ANKIB1: variants seen among roughly 807,000 people sequenced by gnomAD.
The protein encoded by ANKIB1 is ankyrin repeat and IBR domain containing 1, also known as ankyrin repeat and IBR domain-containing protein 1.
In ANKIB1, 43 loss-of-function variants were observed where a neutral mutation model predicts 122.1. The observed-to-expected ratio is 0.35, with a 90% CI of 0.28 to 0.45. The LOEUF is 0.45. Ranked by LOEUF, ANKIB1 falls within the 20% of genes least tolerant of loss-of-function variation. The pLI is 1.00. For synonymous variants in ANKIB1, 390 were observed against 442.0 expected (o/e 0.88, Z 1.48); for missense variants, 992 against 1,329.5 (o/e 0.75, Z 3.95).
intron 3 of ANKIB1, among the ~76,000 whole-genome samples, chr7:92,308,416 A>G (rs1342620942): frequency 6.6e-6 from 1 of 152,070 alleles, no homozygotes; most frequent in East Asian, 1.9e-4. Context: ...AAGTATAGCA[A>G]ATTTTTGGCA....
chr7:92,286,110 A>C (rs1035624465), intron 1 of ANKIB1, among the ~76,000 whole-genome samples: 1 of 152,218 alleles, frequency 6.6e-6, no homozygotes, highest in African/African-American at 2.4e-5. Context: ...CCCATGCCCT[A>C]ATAGAGGCCA....
chr7:92,378,434 AG>A (rs745676355), intron 11 of ANKIB1, among the ~76,000 whole-genome samples: 23 of 151,104 alleles, frequency 1.5e-4, no homozygotes, highest in Non-Finnish European at 2.8e-4. Context: ...GGTATATCCA[AG>A]GGGAAAAATT....
rs1804804901 is a variant in ANKIB1 at position 92,392,413 on chromosome 7, T to C, written c.2283+121T>C. ...TCAGCAGTGCTGTCTCTTTCTTTTGTAACAAAAATGCCTTGACAGAGCCTA... is the reference window on the plus strand; with the variant it reads ...TCAGCAGTGCTGTCTCTTTCTTTTGCAACAAAAATGCCTTGACAGAGCCTA... On this transcript the variant is annotated intron_variant, in intron 17 of 19. Coordinates refer to ENST00000265742, the MANE Select transcript of ANKIB1 (RefSeq NM_019004.2). 3.7e-6 allele frequency: 3 copies of C among 820,254 alleles called. No individual in the cohort carries two copies. The African/African-American group carries it at 5.2e-5, about 14-fold the overall frequency. 50.8% of individuals were successfully genotyped at this position (820,254 alleles called of 1,614,324 possible).
chr7:92,360,621 G>A lies in ANKIB1; in HGVS notation c.1398-1564G>A, dbSNP rs534566962. 7.2e-5 allele frequency among the ~76,000 whole-genome samples: 11 copies of A among 152,166 alleles called. No individual in the cohort carries two copies. The East Asian group carries it at 2.1e-3, about 29-fold the overall frequency. ...TAGAATGAAATTGCTGAATCATATGGTAATTCTAAGTTTAACTTTATGAGG... is the reference window on the plus strand; with the variant it reads ...TAGAATGAAATTGCTGAATCATATGATAATTCTAAGTTTAACTTTATGAGG... On this transcript the variant is annotated intron_variant, in intron 9 of 19. Transcript: ENST00000265742.
chr7:92,251,395 C>T (rs1461465857), intron 1 of ANKIB1, among the ~76,000 whole-genome samples: 1 of 152,154 alleles, frequency 6.6e-6, no homozygotes, highest in Middle Eastern at 3.2e-3. Context: ...TCAACATATT[C>T]AGCCAGGGTT....
chr7:92,261,623 C>T (rs1363748631), intron 1 of ANKIB1, among the ~76,000 whole-genome samples: 1 of 152,040 alleles, frequency 6.6e-6, no homozygotes, highest in African/African-American at 2.4e-5. Flanking sequence ...ATGTTAATAC[C>T]TCTTTCTTCC....
At chr7:92,322,751 T>G (rs539316610) in intron 4 of ANKIB1, among the ~76,000 whole-genome samples, 35 of 152,298 alleles carry the variant, frequency 2.3e-4, no homozygotes, top group African/African-American at 7.7e-4. Context: ...TTCTAAGTAA[T>G]TTATATATTT....
In ANKIB1 at chr7:92,261,347, TCAAAAAAAAAA is replaced by T. The variant is rs897492568; in HGVS notation, c.-91+14829_-91+14839del. Among the ~76,000 whole-genome samples the T allele has an allele frequency of 2.4e-5, 3 of 127,066 alleles. No individual in the cohort carries two copies. The Admixed American group carries it at 2.4e-4, about 10-fold the overall frequency. The allele number at this position is 127,066 out of a possible 152,430, so 83.4% of individuals were successfully genotyped here. On this transcript the variant is annotated intron_variant, in intron 1 of 19. Coordinates refer to ENST00000265742, the MANE Select transcript of ANKIB1 (RefSeq NM_019004.2). ...CTGGGCGACAGAGCGAGACTCCGTC[TCAAAAAAAAAA>T]AAAAAAAAGAAAAGAAATTACTATG...
At chr7:92,368,041 A>G (rs959359440) in intron 10 of ANKIB1, among the ~76,000 whole-genome samples, 13 of 152,136 alleles carry the variant, frequency 8.5e-5, no homozygotes, top group African/African-American at 3.1e-4. Flanking sequence ...CTGTAGTCCT[A>G]GCTACTTGGG....
intron 17 of ANKIB1, among the ~76,000 whole-genome samples, chr7:92,392,910 A>G (rs540575989): frequency 9.9e-5 from 15 of 152,120 alleles, no homozygotes; most frequent in African/African-American, 2.9e-4. Context: ...ACAGAGTGAA[A>G]CTCTTAATCA....
At chr7:92,256,377 G>A (rs1801446224) in intron 1 of ANKIB1, among the ~76,000 whole-genome samples, 1 of 152,100 alleles carries the variant, frequency 6.6e-6, no homozygotes, top group Non-Finnish European at 1.5e-5. Context: ...AGTTGGGGGT[G>A]GGATCTGGAA....
chr7:92,343,843 T>C (rs1199649966), intron 6 of ANKIB1, among the ~76,000 whole-genome samples: 1 of 152,248 alleles, frequency 6.6e-6, no homozygotes, highest in Non-Finnish European at 1.5e-5. Flanking sequence ...GAGTTTGTTA[T>C]CTAGATGCAT....
intron 1 of ANKIB1, among the ~76,000 whole-genome samples, chr7:92,252,847 G>T (rs1192520290): frequency 2.0e-5 from 3 of 151,576 alleles, no homozygotes; most frequent in Non-Finnish European, 2.9e-5. Flanking sequence ...AGTAGACAAA[G>T]TAGATTCCAG....
chr7:92,342,883 T>G (rs1803466565), intron 5 of ANKIB1, 141 bp from the exon 6 acceptor site: 2 of 670,778 alleles, frequency 3.0e-6, no homozygotes, highest in Admixed American at 2.5e-5. Flanking sequence ...TACCTAGACA[T>G]TCATTTGCAG....
intron 1 of ANKIB1, among the ~76,000 whole-genome samples, chr7:92,288,047 A>C (rs1802172071): frequency 2.0e-5 from 3 of 151,652 alleles, no homozygotes; most frequent in African/African-American, 7.2e-5. Context: ...AAAAAAAAAA[A>C]AAAAAAAAAA....
chr7:92,386,432 G>C, intron 11 of ANKIB1, 77 bp from the exon 12 acceptor site: 1 of 1,402,428 alleles, frequency 7.1e-7, no homozygotes, highest in Non-Finnish European at 9.4e-7. Context: ...AATCTTTACA[G>C]ATTGGTTGGC....
At chr7:92,320,222 C>G (rs987000416) in intron 4 of ANKIB1, among the ~76,000 whole-genome samples, 3 of 152,278 alleles carry the variant, frequency 2.0e-5, no homozygotes, top group African/African-American at 7.2e-5. Context: ...TGTCTCTCTT[C>G]CCCTTTAGTT....
chr7:92,267,235 T>G (rs1801689594), intron 1 of ANKIB1, among the ~76,000 whole-genome samples: 1 of 152,264 alleles, frequency 6.6e-6, no homozygotes, highest in Admixed American at 6.5e-5. Flanking sequence ...TAAGAAACTT[T>G]TTGAATATAC....
intron 1 of ANKIB1, among the ~76,000 whole-genome samples, chr7:92,276,135 A>G (rs150835886): frequency 2.0e-5 from 3 of 152,334 alleles, no homozygotes; most frequent in South Asian, 2.1e-4. Context: ...CAGAAAATAC[A>G]TATATTAGGT....
Sources: allele counts gnomAD v4.1 joint callset (sites outside exome capture counted in the v4.1 genomes callset), GRCh38; gene constraint gnomAD v4.1.1; transcripts MANE v1.5; gene names NCBI Gene and HGNC (gene_info 2026-07-23, HGNC 2026-07-21).